The following WDR27 variants were observed in gnomAD, a reference collection of about 807,000 sequenced individuals.
WDR27 encodes the protein WD repeat domain 27, also known as WD repeat-containing protein 27.
In WDR27, 100 loss-of-function variants were observed where a neutral mutation model predicts 114.4. That is an observed-to-expected ratio of 0.87 (90% CI 0.74 to 1.03). WDR27 has a LOEUF of 1.03. Among genes scored for constraint, WDR27 ranks in the 50% least tolerant of loss-of-function variants. The probability of loss-of-function intolerance (pLI) is 0.00; values close to 1 mark genes in which losing one functional copy is unlikely to be tolerated. For missense variants in WDR27, 1,129 were observed against 1,092.9 expected, an observed-to-expected ratio of 1.03 and a Z score of -0.47; for synonymous variants, 449 against 423.1, an observed-to-expected ratio of 1.06 and a Z score of -0.75.
chr6:169,607,946 G>A (rs1406149905), intron 22 of WDR27, among the ~76,000 whole-genome samples: 1 of 152,172 alleles, frequency 6.6e-6, no homozygotes, highest in Non-Finnish European at 1.5e-5. Context: ...GAATGTCACA[G>A]AGTGTACTTA....
At chr6:169,679,828 C>T (rs1387786840) in intron 2 of WDR27, among the ~76,000 whole-genome samples, 1 of 152,132 alleles carries the variant, frequency 6.6e-6, no homozygotes, top group Non-Finnish European at 1.5e-5. Context: ...TGGCCTAATA[C>T]ATGCAAGAAT....
At chr6:169,542,854 TTAAA>T (rs1353679426) in intron 25 of WDR27, among the ~76,000 whole-genome samples, 1 of 152,106 alleles carries the variant, frequency 6.6e-6, no homozygotes, top group Admixed American at 6.5e-5. Flanking sequence ...TAGCCATATT[TTAAA>T]TAAAGTAATT....
At chr6:169,463,582 G>A (rs1328205039) in intron 25 of WDR27, among the ~76,000 whole-genome samples, 1 of 152,120 alleles carries the variant, frequency 6.6e-6, no homozygotes, top group Non-Finnish European at 1.5e-5. Context: ...TACCCAAATT[G>A]AAAAGGAAAT....
At chr6:169,589,946 T>C (rs976795464) in intron 23 of WDR27, among the ~76,000 whole-genome samples, 9 of 4,824 alleles carry the variant, frequency 1.9e-3, no homozygotes, top group African/African-American at 3.7e-3. Context: ...GTAAATCTTA[T>C]GCCAGAACCA....
intron 22 of WDR27, among the ~76,000 whole-genome samples, chr6:169,605,107 G>GAAAAAAAAAAAAAAAAAAAA (rs1562675799): frequency 3.1e-5 from 1 of 32,356 alleles, no homozygotes; most frequent in Admixed American, 5.3e-4. Flanking sequence ...GAGCAATTAG[G>GAAAAAAAAAAAAAAAAAAAA]CAAAAAAAAA....
intron 25 of WDR27, among the ~76,000 whole-genome samples, chr6:169,500,845 A>C (rs1231791265): frequency 6.6e-6 from 1 of 152,208 alleles, no homozygotes; most frequent in Non-Finnish European, 1.5e-5. Flanking sequence ...GCACAGCTCC[A>C]AACAGCCACG....
At chr6:169,654,754 T>A (rs114521929) in intron 13 of WDR27, among the ~76,000 whole-genome samples, 7 of 119,674 alleles carry the variant, frequency 5.8e-5, no homozygotes, top group African/African-American at 2.3e-4. Context: ...CGCACAGGGT[T>A]AGGCGGCGCG....
chr6:169,618,380 C>T (rs1812349081), intron 21 of WDR27, among the ~76,000 whole-genome samples: 2 of 152,024 alleles, frequency 1.3e-5, no homozygotes, highest in African/African-American at 4.8e-5. Context: ...AGTATCTACA[C>T]CTGCTAGGAC....
intron 1 of WDR27, among the ~76,000 whole-genome samples, chr6:169,692,766 A>G (rs1297606482): frequency 6.6e-6 from 1 of 152,160 alleles, no homozygotes; most frequent in Non-Finnish European, 1.5e-5. Context: ...CTCCCACAGC[A>G]GCTGCAGCAA....
chr6:169,462,860 C>T (rs1341585816), intron 25 of WDR27, among the ~76,000 whole-genome samples: 1 of 151,986 alleles, frequency 6.6e-6, no homozygotes, highest in African/African-American at 2.4e-5. Flanking sequence ...TGATACAAAA[C>T]CCACATGATC....
At chr6:169,681,505 A>T (rs1330677430) in intron 2 of WDR27, among the ~76,000 whole-genome samples, 1 of 152,238 alleles carries the variant, frequency 6.6e-6, no homozygotes, top group East Asian at 1.9e-4. Flanking sequence ...CTTCAAGCCC[A>T]GAAATGGCCC....
At chr6:169,665,589 G>C in intron 6 of WDR27, 33 bp from the exon 7 acceptor site, 1 of 1,603,214 alleles carries the variant, frequency 6.2e-7, no homozygotes, top group East Asian at 2.2e-5. Context: ...ATTTAGCTTT[G>C]TAAGTGCCTG....
rs538796504 is a variant in WDR27 at position 169,647,523 on chromosome 6, G to A, written c.1657+250C>T. On this transcript the variant is annotated intron_variant, in intron 16 of 25. Coordinates refer to ENST00000448612, the MANE Select transcript of WDR27 (RefSeq NM_182552.5). ...GAGCTGGACACAGAACAGCAAATTC[G>A]CTGCTAGTGAGTGAGTGCCAGTGTC... 230 of 575,516 alleles carry A rather than the reference G, an allele frequency of 4.0e-4. 1 individual carries two copies. Among genetic ancestry groups the A allele is most frequent in the African/African-American group, 1.4e-3 (72 of 52,476 alleles). 35.7% of individuals were successfully genotyped at this position (575,516 alleles called of 1,614,324 possible). A position where few individuals can be genotyped will look rare whatever the true frequency, so the allele number is the denominator to read the frequency against.
intron 2 of WDR27, among the ~76,000 whole-genome samples, chr6:169,682,496 G>A (rs991344626): frequency 6.6e-6 from 1 of 152,200 alleles, no homozygotes; most frequent in East Asian, 1.9e-4. Flanking sequence ...CAGCAATCCT[G>A]TGCTTAAAGC....
chr6:169,651,855 G>T, intron 14 of WDR27, 75 bp downstream of exon 14: 1 of 1,300,704 alleles, frequency 7.7e-7, no homozygotes, highest in Non-Finnish European at 1.1e-6. Context: ...ATGTATGTGT[G>T]TCCCTATTTG....
rs1410451471 is a variant in WDR27, at chr6:169,513,603, G to C, written c.2646-55969C>G. ...CAGAAAACAACCAGGCACTAAGTAGGAGAGTCTCGGAACAGAACATTCTAT... is the reference window on the plus strand; with the variant it reads ...CAGAAAACAACCAGGCACTAAGTAGCAGAGTCTCGGAACAGAACATTCTAT... On this transcript the variant is annotated intron_variant, in intron 25 of 25. Transcript: ENST00000448612. 3.5e-5 allele frequency among the ~76,000 whole-genome samples: 5 copies of C among 141,522 alleles called. No individual in the cohort carries two copies. The East Asian group carries it at 1.0e-3, about 28-fold the overall frequency. 92.8% of individuals were successfully genotyped at this position (141,522 alleles called of 152,430 possible).
At chr6:169,442,381 A>G in the WDR27 span, among the ~76,000 whole-genome samples, 1 of 152,248 alleles carries the variant, frequency 6.6e-6, no homozygotes, top group African/African-American at 2.4e-5. Flanking sequence ...TGTCTGAAAG[A>G]ATTCTTATAA....
chr6:169,662,554 G>A (rs982510409), intron 8 of WDR27, 130 bp from the exon 9 acceptor site: 4 of 1,215,624 alleles, frequency 3.3e-6, no homozygotes, highest in Admixed American at 2.2e-5. Context: ...CACGCGTCGA[G>A]GAAAGCACTA....
chr6:169,654,871 G>A (rs1482557481), intron 13 of WDR27, among the ~76,000 whole-genome samples: 1 of 152,236 alleles, frequency 6.6e-6, no homozygotes, highest in Non-Finnish European at 1.5e-5. Flanking sequence ...TCAGAAGGAA[G>A]CGCGCACAGA....
Sources: gnomAD v4.1 joint callset for allele counts (sites outside exome capture counted in the v4.1 genomes callset) on GRCh38, gnomAD v4.1.1 for gene constraint, MANE v1.5 for transcripts, NCBI Gene and HGNC (gene_info 2026-07-23, HGNC 2026-07-21) for gene names.